Variants in HELZ observed in about 807,000 individuals in gnomAD.
HELZ encodes the protein ATP-dependent RNA helicase with zinc finger domain.
Under a neutral mutation model 218.2 loss-of-function variants are expected in HELZ, and 23 were observed. The ratio of observed to expected loss-of-function variants is 0.11; its 90% CI spans 0.08 to 0.15. HELZ has a LOEUF of 0.15. Ranked by LOEUF, HELZ falls within the 10% of genes least tolerant of loss-of-function variation. The probability of loss-of-function intolerance (pLI) is 1.00; values close to 1 mark genes in which losing one functional copy is unlikely to be tolerated. For synonymous variants in HELZ, 814 were observed against 829.4 expected, an observed-to-expected ratio of 0.98 and a Z score of 0.32; for missense variants, 1,813 against 2,353.7, an observed-to-expected ratio of 0.77 and a Z score of 4.75.
intron 17 of HELZ, among the ~76,000 whole-genome samples, chr17:67,152,187 T>C (rs990364924): frequency 1.3e-5 from 2 of 152,250 alleles, no homozygotes; most frequent in Non-Finnish European, 2.9e-5. Context: ...TAGTGTTTGC[T>C]GATTTTTGTG....
chr17:67,234,661 C>A (rs139237073), intron 3 of HELZ, among the ~76,000 whole-genome samples: 53 of 151,974 alleles, frequency 3.5e-4, no homozygotes, highest in African/African-American at 1.2e-3. Flanking sequence ...TAGCAAGACC[C>A]CTAACTTTAT....
At chr17:67,223,967 T>C (rs2040821980) in intron 3 of HELZ, among the ~76,000 whole-genome samples, 1 of 152,198 alleles carries the variant, frequency 6.6e-6, no homozygotes, top group African/African-American at 2.4e-5. Context: ...GAACGTTAGT[T>C]GTTCTGCCAC....
In HELZ at chr17:67,123,910, A is replaced by G. The variant is rs548250776; in HGVS notation, c.3439+53T>C. The stretch of plus-strand genomic sequence containing the variant: ...CTCTTTCTTGTGGTGAAATTTGGGG[A>G]AAATCTCTTACATCATAAAAGCAAG... On this transcript the variant is annotated intron_variant, in intron 25 of 32. Coordinates refer to ENST00000358691, the MANE Select transcript of HELZ (RefSeq NM_014877.4). 20 of 1,319,794 alleles carry G rather than the reference A, an allele frequency of 1.5e-5. No individual in the cohort carries two copies. In the African/African-American group the frequency reaches 1.6e-4, roughly 10 times the overall value. The allele number at this position is 1,319,794 out of a possible 1,614,324, so 81.8% of individuals were successfully genotyped here. A position where few individuals can be genotyped will look rare whatever the true frequency, so the allele number is the denominator to read the frequency against.
At chr17:67,114,754 T>G (rs2037380601) in intron 27 of HELZ, among the ~76,000 whole-genome samples, 1 of 152,256 alleles carries the variant, frequency 6.6e-6, no homozygotes, top group South Asian at 2.1e-4. Context: ...TTATAAAGGC[T>G]CAATGCTTTG....
intron 3 of HELZ, among the ~76,000 whole-genome samples, chr17:67,237,848 C>T (rs191780113): frequency 5.2e-4 from 79 of 151,474 alleles, no homozygotes; most frequent in African/African-American, 1.8e-3. Flanking sequence ...ATTAGTCAGG[C>T]GTGGTAGCGC....
intron 27 of HELZ, among the ~76,000 whole-genome samples, chr17:67,116,846 C>T (rs1022889450): frequency 6.6e-6 from 1 of 152,064 alleles, no homozygotes; most frequent in Non-Finnish European, 1.5e-5. Flanking sequence ...ACCAACTTGA[C>T]CTAATTAACA....
chr17:67,215,473 C>T (rs2040574189), intron 5 of HELZ, among the ~76,000 whole-genome samples: 1 of 152,058 alleles, frequency 6.6e-6, no homozygotes, highest in Non-Finnish European at 1.5e-5. Context: ...CCCAGCCTCC[C>T]AGGTAGCTGG....
intron 32 of HELZ, among the ~76,000 whole-genome samples, chr17:67,085,525 C>A (rs1241154725): frequency 6.7e-6 from 1 of 149,944 alleles, no homozygotes; most frequent in Non-Finnish European, 1.5e-5. Flanking sequence ...ATGTCTTTTG[C>A]CAGGAAATAA....
At chr17:67,152,586 G>C (rs981594503) in intron 17 of HELZ, among the ~76,000 whole-genome samples, 2 of 152,056 alleles carry the variant, frequency 1.3e-5, no homozygotes, top group Non-Finnish European at 2.9e-5. Context: ...GAACGGATTT[G>C]GGGTGGGAAT....
chr17:67,105,277 G>A, intron 31 of HELZ, among the ~76,000 whole-genome samples: 1 of 152,138 alleles, frequency 6.6e-6, no homozygotes, highest in Non-Finnish European at 1.5e-5. Context: ...AACACAGTTT[G>A]CAGTTCCTCA....
At position 67,107,265 on chromosome 17, in the gene HELZ, T is replaced by A; in HGVS notation, c.5145A>T (p.Val1715=). Reference sequence around the variant, plus strand: ...TAGCATGTTGATGATTCTGTATTTGTACAAAAGGGTTCTGCGGTGGCCTGT... The same window carrying A: ...TAGCATGTTGATGATTCTGTATTTGAACAAAAGGGTTCTGCGGTGGCCTGT... ...LPHRPPQNPF[V]QIQNHQHAIG... The change falls in exon 31 of 33, where the codon GTA becomes GTT. Residue 1715 remains valine, a synonymous_variant. Transcript: ENST00000358691. 1 of 1,614,180 alleles carries A rather than the reference T, an allele frequency of 6.2e-7. No homozygotes were observed. The highest frequency in any genetic ancestry group is 8.5e-7 in the Non-Finnish European group (1 of 1,180,012).
Position 67,107,630 on chromosome 17 carries a change from G to A in HELZ, c.4780C>T (p.Leu1594=). The A allele has an allele frequency of 6.2e-7, 1 of 1,614,064 alleles. No individual in the cohort carries two copies. The highest frequency in any genetic ancestry group is 1.3e-5 in the African/African-American group (1 of 75,022). Residue 1594 remains leucine, a synonymous_variant, in exon 31 of 33, where the codon CTA becomes TTA. Coordinates refer to ENST00000358691, the MANE Select transcript of HELZ (RefSeq NM_014877.4). ...SHRDQSETRE[L]AEMPPPQSRL... ...GATTGAGGTGGTGGCATTTCAGCTA[G>A]TTCCCGTGTTTCACTTTGATCACGA... is the stretch of plus-strand genomic sequence containing the variant.
chr17:67,141,958 C>T (rs1386015395), intron 21 of HELZ, among the ~76,000 whole-genome samples: 1 of 151,910 alleles, frequency 6.6e-6, no homozygotes, highest in Non-Finnish European at 1.5e-5. Flanking sequence ...GCATGATAAT[C>T]ACTTGAACCT....
intron 31 of HELZ, among the ~76,000 whole-genome samples, chr17:67,106,408 C>T (rs375010856): frequency 4.0e-5 from 6 of 151,398 alleles, no homozygotes; most frequent in African/African-American, 1.2e-4. Context: ...CCCGGGTTCA[C>T]GCCATTCTCC....
chr17:67,238,096 A>C (rs568682319), intron 3 of HELZ, among the ~76,000 whole-genome samples: 1 of 151,888 alleles, frequency 6.6e-6, no homozygotes, highest in Non-Finnish European at 1.5e-5. Flanking sequence ...CTGTAATTCC[A>C]GCACTTTGGG....
At chr17:67,179,419 T>A (rs1567868012) in intron 12 of HELZ, among the ~76,000 whole-genome samples, 1 of 152,210 alleles carries the variant, frequency 6.6e-6, no homozygotes, top group Non-Finnish European at 1.5e-5. Context: ...TAAGTCAACT[T>A]ACTATAAACA....
intron 1 of HELZ, chr17:67,244,849 C>G: frequency 1.0e-6 from 1 of 985,544 alleles, no homozygotes; most frequent in Non-Finnish European, 1.2e-6. Flanking sequence ...CTCCCGCAGG[C>G]TCCCGGGCCA....
intron 31 of HELZ, among the ~76,000 whole-genome samples, chr17:67,087,362 T>G (rs1041693427): frequency 2.6e-5 from 4 of 152,222 alleles, no homozygotes; most frequent in African/African-American, 9.7e-5. Flanking sequence ...TGATTCTGTT[T>G]TCTTATCTGT....
chr17:67,160,155 G>A (rs2038956138), intron 17 of HELZ, 106 bp downstream of exon 17: 6 of 685,428 alleles, frequency 8.8e-6, no homozygotes, highest in Admixed American at 5.2e-5. Context: ...AAATGTCAAT[G>A]CATAAAGACT....
Sources: gnomAD v4.1 joint callset for allele counts (sites outside exome capture counted in the v4.1 genomes callset) on GRCh38, gnomAD v4.1.1 for gene constraint, MANE v1.5 for transcripts, NCBI Gene and HGNC (gene_info 2026-07-23, HGNC 2026-07-21) for gene names.